PCLAF: variants seen among roughly 807,000 people sequenced by gnomAD.
PCLAF encodes the protein PCNA clamp associated factor.
Under a neutral mutation model 15.1 loss-of-function variants are expected in PCLAF, and 12 were observed. The ratio of observed to expected loss-of-function variants is 0.79; its 90% CI spans 0.51 to 1.29. The LOEUF (loss-of-function observed/expected upper bound fraction) is 1.29. PCLAF is among the 50% of genes most tolerant of loss of function. The probability of loss-of-function intolerance (pLI) is 0.00; values close to 1 mark genes in which losing one functional copy is unlikely to be tolerated. For missense variants in PCLAF, 116 were observed against 130.9 expected, an observed-to-expected ratio of 0.89 and a Z score of 0.56; for synonymous variants, 33 against 47.1, an observed-to-expected ratio of 0.70 and a Z score of 1.22.
intron 3 of PCLAF, among the ~76,000 whole-genome samples, chr15:64,367,201 A>G (rs1899070968): frequency 6.6e-6 from 1 of 152,060 alleles, no homozygotes; most frequent in Non-Finnish European, 1.5e-5. Context: ...TTGAAAAATA[A>G]TTTACATTAT....
chr15:64,384,034 AAC>A (rs147232294), upstream of PCLAF, among the ~76,000 whole-genome samples: 7,323 of 152,290 alleles, frequency 0.048, 230 homozygotes, highest in South Asian at 0.086. Context: ...AATGAAATAA[AAC>A]ACAGAGAGTG....
chr15:64,380,790 T>TC (rs766332087), intron 2 of PCLAF, among the ~76,000 whole-genome samples, 168 bp downstream of exon 2: 290 of 150,738 alleles, frequency 1.9e-3, no homozygotes, highest in Middle Eastern at 3.4e-3. Context: ...CCATGAGACC[T>TC]CCCCCCCACC....
intron 3 of PCLAF, among the ~76,000 whole-genome samples, chr15:64,374,264 G>C (rs1038421792): frequency 6.6e-6 from 1 of 152,030 alleles, no homozygotes; most frequent in African/African-American, 2.4e-5. Flanking sequence ...GTTTGTGGCC[G>C]GGTGTGGTTG....
upstream of PCLAF, chr15:64,382,325 G>A (rs1899843619): frequency 6.6e-6 from 1 of 151,900 alleles, no homozygotes; most frequent in Admixed American, 6.6e-5. Flanking sequence ...TCAGGAGACG[G>A]GAGATTGCTT....
rs1209965219 is a variant in PCLAF, at chr15:64,381,022, G to A, written c.63C>T (p.Ala21=). 5.0e-6 allele frequency: 8 copies of A among 1,613,930 alleles called. No individual in the cohort carries two copies. Among genetic ancestry groups the A allele is most frequent in the South Asian group, 4.4e-5 (4 of 91,070 alleles). ...TGGAAGAACCAAGCACCTTTCTGGG[G>A]GCTCGAGCAGCCACCACTGTGAAGA... is the stretch of plus-strand genomic sequence containing the variant. ...GTYRKVVAAR[A]PRKVLGSSTS... Residue 21 remains alanine (A), a synonymous_variant, in exon 2 of 4, where the codon GCC becomes GCT. Coordinates refer to ENST00000300035, the MANE Select transcript of PCLAF (RefSeq NM_014736.6).
Position 64,381,379 on chromosome 15 carries a change from CAAG to C in PCLAF, c.-11_-9del. 4 of 1,614,140 alleles carry C rather than the reference CAAG, an allele frequency of 2.5e-6. No homozygotes were observed. Among genetic ancestry groups the C allele is most frequent in the Non-Finnish European group, 3.4e-6 (4 of 1,180,030 alleles). ...TGCTTTAGTCCGCACCATGTTCAAA[CAAG>C]AAGAGAGGAGAGGAGAGAACGAACT... On this transcript the variant is annotated 5_prime_UTR_variant, in exon 1 of 4. Coordinates refer to ENST00000300035, the MANE Select transcript of PCLAF (RefSeq NM_014736.6).
In PCLAF at chr15:64,364,674, A is replaced by T. The variant is rs1033644336; in HGVS notation, c.*1356T>A. On this transcript the variant is annotated 3_prime_UTR_variant, in exon 4 of 4. Coordinates refer to ENST00000300035, the MANE Select transcript of PCLAF (RefSeq NM_014736.6). Reference sequence around the variant, plus strand: ...TTTTATTGTTCATATATAAATATATATTTTTTTCTTTTCTTTCTTTTTTTT... The same window carrying T: ...TTTTATTGTTCATATATAAATATATTTTTTTTTCTTTTCTTTCTTTTTTTT... The T allele has an allele frequency of 8.1e-5, 12 of 149,040 alleles. No homozygotes were observed. The highest frequency in any genetic ancestry group is 2.9e-4 in the African/African-American group (12 of 40,690). 9.2% of individuals were successfully genotyped at this position (149,040 alleles called of 1,614,324 possible).
upstream of PCLAF, among the ~76,000 whole-genome samples, chr15:64,385,560 G>A (rs1428571154): frequency 6.6e-6 from 1 of 151,968 alleles, no homozygotes; most frequent in Non-Finnish European, 1.5e-5. Context: ...GGGAGGCGGA[G>A]GTTGTGGTGA....
chr15:64,371,152 T>G (rs1899296050), intron 3 of PCLAF, among the ~76,000 whole-genome samples: 1 of 151,938 alleles, frequency 6.6e-6, no homozygotes, highest in South Asian at 2.1e-4. Context: ...GTATTTTTAG[T>G]AGAGACAGGG....
At chr15:64,373,663 C>T (rs2140525465) in intron 3 of PCLAF, 2 of 1,532,132 alleles carry the variant, frequency 1.3e-6, no homozygotes, top group African/African-American at 1.4e-5. Context: ...CCAGAAGTAG[C>T]AGACCCAGAA....
At chr15:64,375,282 GC>G (rs1235339566) in intron 3 of PCLAF, among the ~76,000 whole-genome samples, 20 of 151,946 alleles carry the variant, frequency 1.3e-4, no homozygotes, top group Admixed American at 1.3e-3. Context: ...GTGCCACCAC[GC>G]CCGGCTAATT....
At chr15:64,378,611 A>G (rs966937042) in intron 2 of PCLAF, among the ~76,000 whole-genome samples, 10 of 152,108 alleles carry the variant, frequency 6.6e-5, no homozygotes, top group Non-Finnish European at 1.2e-4. Flanking sequence ...TGCTTTTACT[A>G]CTAGAAAACA....
At chr15:64,370,445 G>A (rs1212002363) in intron 3 of PCLAF, among the ~76,000 whole-genome samples, 1 of 149,764 alleles carries the variant, frequency 6.7e-6, no homozygotes, top group Non-Finnish European at 1.5e-5. Flanking sequence ...TCGGCTCACT[G>A]CAACCTCCGC....
At chr15:64,375,139 T>A (rs1389467859) in intron 3 of PCLAF, among the ~76,000 whole-genome samples, 1 of 152,182 alleles carries the variant, frequency 6.6e-6, no homozygotes, top group Non-Finnish European at 1.5e-5. Flanking sequence ...ACTTGATTTT[T>A]TTTGAGATGG....
At chr15:64,370,956 A>T (rs371786019) in intron 3 of PCLAF, among the ~76,000 whole-genome samples, 4 of 105,256 alleles carry the variant, frequency 3.8e-5, no homozygotes, top group African/African-American at 1.1e-4. Flanking sequence ...TATTTTGCTT[A>T]TTTCATGTTC....
At chr15:64,372,722 C>T (rs1284162464) in intron 3 of PCLAF, among the ~76,000 whole-genome samples, 1 of 151,790 alleles carries the variant, frequency 6.6e-6, no homozygotes, top group Non-Finnish European at 1.5e-5. Context: ...GCCTGTAATC[C>T]CAGCACTTTG....
Position 64,365,669 on chromosome 15 carries a change from C to A in PCLAF, c.*361G>T, listed in dbSNP as rs1899002539. 4.7e-6 allele frequency: 1 copy of A among 211,096 alleles called. No individual in the cohort carries two copies. The highest frequency in any genetic ancestry group is 9.4e-6 in the Non-Finnish European group (1 of 106,844). 13.1% of individuals were successfully genotyped at this position (211,096 alleles called of 1,614,324 possible). ...AGTAGAAGGAGTGACAATATGGCAC[C>A]ATTCCAATAATCAAACACCAATAAA... On this transcript the variant is annotated 3_prime_UTR_variant, in exon 4 of 4. Transcript: ENST00000300035.
upstream of PCLAF, among the ~76,000 whole-genome samples, chr15:64,385,363 G>A (rs1355213482): frequency 6.6e-6 from 1 of 151,964 alleles, no homozygotes; most frequent in Non-Finnish European, 1.5e-5. Context: ...ATACCTAGAG[G>A]GCTTGTAATC....
chr15:64,367,525 CA>C (rs1566963852), intron 3 of PCLAF, among the ~76,000 whole-genome samples: 1 of 150,046 alleles, frequency 6.7e-6, no homozygotes, highest in African/African-American at 2.5e-5. Flanking sequence ...AAAAAAAAAA[CA>C]AAAAACAAAG....
Sources: gnomAD v4.1 joint callset for allele counts (sites outside exome capture counted in the v4.1 genomes callset) on GRCh38, gnomAD v4.1.1 for gene constraint, MANE v1.5 for transcripts, NCBI Gene and HGNC (gene_info 2026-07-23, HGNC 2026-07-21) for gene names.